The following CDH12 variants were observed in gnomAD, a reference collection of about 807,000 sequenced individuals.
CDH12 encodes the protein cadherin-12.
A neutral mutation model predicts 74.1 loss-of-function variants in CDH12; 41 were observed. The ratio of observed to expected loss-of-function variants is 0.55; its 90% CI spans 0.43 to 0.72. The LOEUF (loss-of-function observed/expected upper bound fraction) is 0.72. CDH12 is among the 30% of genes least tolerant of loss of function. The pLI, the probability that CDH12 is intolerant of heterozygous loss-of-function variation, is 0.00. For synonymous variants in CDH12, 399 were observed against 355.0 expected, an observed-to-expected ratio of 1.12 and a Z score of -1.39; for missense variants, 945 against 977.2, an observed-to-expected ratio of 0.97 and a Z score of 0.44.
rs377706621 is a variant in CDH12, at chr5:22,674,412, C to G, written c.-522-169048G>C. ...TTCTGCCATGATTGTGAGGCCTCCTCAGCCATGTGGAACGGTAAGTCCATT... is the reference window on the plus strand; with the variant it reads ...TTCTGCCATGATTGTGAGGCCTCCTGAGCCATGTGGAACGGTAAGTCCATT... On this transcript the variant is annotated intron_variant, in intron 1 of 14. Transcript: ENST00000382254. Among the ~76,000 whole-genome samples, 29 of 152,334 alleles carry G rather than the reference C, an allele frequency of 1.9e-4. No individual in the cohort carries two copies. The East Asian group carries it at 5.4e-3, about 28-fold the overall frequency.
At chr5:22,445,002 G>A (rs1316708090) in intron 2 of CDH12, among the ~76,000 whole-genome samples, 1 of 151,890 alleles carries the variant, frequency 6.6e-6, no homozygotes, top group Non-Finnish European at 1.5e-5. Flanking sequence ...TTTTAAGGCA[G>A]TTGAATTTCA....
intron 3 of CDH12, among the ~76,000 whole-genome samples, chr5:22,223,079 A>G (rs1752075643): frequency 6.6e-6 from 1 of 152,012 alleles, no homozygotes. Flanking sequence ...TATTAAGTGG[A>G]CGTCTTAGCT....
intron 2 of CDH12, among the ~76,000 whole-genome samples, chr5:22,451,327 C>A (rs979508946): frequency 2.0e-5 from 3 of 151,868 alleles, no homozygotes; most frequent in African/African-American, 7.2e-5. Flanking sequence ...TATTTTGAAT[C>A]AATAAATATC....
intron 1 of CDH12, among the ~76,000 whole-genome samples, chr5:22,558,912 A>T (rs1034815177): frequency 6.6e-6 from 1 of 152,082 alleles, no homozygotes; most frequent in Admixed American, 6.6e-5. Context: ...GTGTAAAATT[A>T]TTAAAAACTA....
At chr5:22,365,604 A>G (rs56323023) in intron 3 of CDH12, among the ~76,000 whole-genome samples, 3,064 of 152,320 alleles carry the variant, frequency 0.02, 42 homozygotes, top group Non-Finnish European at 0.033. Context: ...GGAGAAAGTT[A>G]ACTAGCTAGA....
chr5:22,792,626 G>T (rs1747974751), intron 1 of CDH12, among the ~76,000 whole-genome samples: 1 of 152,156 alleles, frequency 6.6e-6, no homozygotes, highest in Non-Finnish European at 1.5e-5. Context: ...GCTTTACAAA[G>T]CCAGATAAAA....
chr5:21,947,535 A>G (rs1755635037), intron 6 of CDH12, among the ~76,000 whole-genome samples: 1 of 152,172 alleles, frequency 6.6e-6, no homozygotes. Flanking sequence ...TGTCCTAGAG[A>G]TCTGTGGAAC....
intron 3 of CDH12, among the ~76,000 whole-genome samples, chr5:22,302,020 G>GAA (rs1321614364): frequency 6.6e-6 from 1 of 151,568 alleles, no homozygotes; most frequent in Admixed American, 6.6e-5. Flanking sequence ...GAGAGAGAGA[G>GAA]AGAGAGAGAG....
At chr5:21,943,758 G>A (rs1418293385) in intron 6 of CDH12, among the ~76,000 whole-genome samples, 5 of 152,064 alleles carry the variant, frequency 3.3e-5, no homozygotes, top group South Asian at 2.1e-4. Context: ...TTTCTAAAGA[G>A]AAATTTCATT....
intron 4 of CDH12, among the ~76,000 whole-genome samples, chr5:22,169,673 A>G (rs1748903808): frequency 6.6e-6 from 1 of 151,924 alleles, no homozygotes; most frequent in South Asian, 2.1e-4. Flanking sequence ...GGGGAAAGAG[A>G]GAGATAGAAA....
At chr5:22,670,504 T>C (rs1740849762) in intron 1 of CDH12, among the ~76,000 whole-genome samples, 1 of 152,128 alleles carries the variant, frequency 6.6e-6, no homozygotes, top group Non-Finnish European at 1.5e-5. Context: ...TATATATTTC[T>C]ATATATTATA....
At chr5:22,299,441 AT>A (rs1320017229) in intron 3 of CDH12, among the ~76,000 whole-genome samples, 8 of 152,246 alleles carry the variant, frequency 5.3e-5, no homozygotes, top group Non-Finnish European at 7.3e-5. Context: ...ATTTGTAAAA[AT>A]TATAAAATTA....
At chr5:22,634,653 A>G (rs545326117) in intron 1 of CDH12, among the ~76,000 whole-genome samples, 1 of 152,168 alleles carries the variant, frequency 6.6e-6, no homozygotes, top group Non-Finnish European at 1.5e-5. Flanking sequence ...GAATACTTTC[A>G]TATCCCACTT....
At chr5:21,801,503 G>A (rs1256296771) in intron 10 of CDH12, among the ~76,000 whole-genome samples, 1 of 152,144 alleles carries the variant, frequency 6.6e-6, no homozygotes, top group Non-Finnish European at 1.5e-5. Context: ...TGAGGAAAAG[G>A]GAAATTGTAT....
chr5:22,353,666 G>C (rs914762243), intron 3 of CDH12, among the ~76,000 whole-genome samples: 3 of 152,028 alleles, frequency 2.0e-5, no homozygotes, highest in African/African-American at 7.2e-5. Flanking sequence ...AAAAAATACA[G>C]ACCTATATGC....
At chr5:22,375,983 C>A (rs1741505704) in intron 3 of CDH12, among the ~76,000 whole-genome samples, 1 of 152,156 alleles carries the variant, frequency 6.6e-6, no homozygotes, top group South Asian at 2.1e-4. Context: ...GAAATTAAAT[C>A]TGTATACCAA....
Position 21,751,608 on chromosome 5 carries a change from G to GAA in CDH12, c.*128_*129insTT, listed in dbSNP as rs10657805. On this transcript the variant is annotated 3_prime_UTR_variant, in exon 15 of 15. Transcript: ENST00000382254. Reference sequence around the variant, plus strand: ...AGGTAATCAAAGGAATCTTGTCCCAGAGTGTGTGTGTGTGTGTGTGTGTTT... The same window carrying GAA: ...AGGTAATCAAAGGAATCTTGTCCCAGAAAGTGTGTGTGTGTGTGTGTGTGTTT... 0.07 allele frequency: 44,553 copies of GAA among 636,498 alleles called. 1,998 individuals are homozygous for GAA. Among genetic ancestry groups the GAA allele is most frequent in the African/African-American group, 0.29 (13,062 of 45,382 alleles). The allele number at this position is 636,498 out of a possible 1,614,324, so 39.4% of individuals were successfully genotyped here.
intron 2 of CDH12, among the ~76,000 whole-genome samples, chr5:22,504,387 C>A (rs908194153): frequency 2.6e-5 from 4 of 152,006 alleles, no homozygotes; most frequent in African/African-American, 9.7e-5. Flanking sequence ...GAAAAGGCTT[C>A]ATCTTTCTAC....
intron 3 of CDH12, among the ~76,000 whole-genome samples, chr5:22,263,108 C>G (rs144873875): frequency 6.6e-6 from 1 of 152,162 alleles, no homozygotes; most frequent in Non-Finnish European, 1.5e-5. Flanking sequence ...CACTGGCCAT[C>G]AGAGAAATGC....
Sources: gnomAD v4.1 joint callset for allele counts (sites outside exome capture counted in the v4.1 genomes callset) on GRCh38, gnomAD v4.1.1 for gene constraint, MANE v1.5 for transcripts, NCBI Gene and HGNC (gene_info 2026-07-23, HGNC 2026-07-21) for gene names.